Variants in TNS3 observed in about 807,000 individuals in gnomAD.
TNS3 encodes tensin 3.
TNS3 carries 45 observed loss-of-function variants against 140.9 expected under a neutral mutation model. The ratio of observed to expected loss-of-function variants is 0.32; its 90% CI spans 0.25 to 0.41. The LOEUF (loss-of-function observed/expected upper bound fraction) is 0.41. TNS3 is among the 10% of genes least tolerant of loss of function. The probability of loss-of-function intolerance (pLI) is 1.00; values close to 1 mark genes in which losing one functional copy is unlikely to be tolerated. For synonymous variants in TNS3, 815 were observed against 788.4 expected, an observed-to-expected ratio of 1.03 and a Z score of -0.56; for missense variants, 1,716 against 1,906.7, an observed-to-expected ratio of 0.90 and a Z score of 1.86.
rs190062513 is a variant in TNS3, at chr7:47,464,852, G to A, written c.-76+16251C>T. The stretch of plus-strand genomic sequence containing the variant: ...AAGGAACACTGCAACATAACTTCCA[G>A]CCACTACTTAAATGGCACCAATGAT... On this transcript the variant is annotated intron_variant, in intron 4 of 30. Transcript: ENST00000311160. Among the ~76,000 whole-genome samples the A allele has an allele frequency of 7.2e-5, 11 of 152,262 alleles. No homozygotes were observed. The East Asian group carries it at 1.9e-3, about 27-fold the overall frequency.
intron 1 of TNS3, among the ~76,000 whole-genome samples, chr7:47,533,740 T>C (rs1456532920): frequency 6.6e-6 from 1 of 152,096 alleles, no homozygotes; most frequent in Non-Finnish European, 1.5e-5. Context: ...TGTGCTGTTC[T>C]CATGATAATG....
Position 47,275,507 on chromosome 7 carries a change from C to G in TNS3, c.*2569G>C. On this transcript the variant is annotated 3_prime_UTR_variant, in exon 31 of 31. Transcript: ENST00000311160. ...GCAGTACGTGCCTGTCCAGCGGGAGCCCTGGAGACAAAATGCCTGGAAACG... is the reference window on the plus strand; with the variant it reads ...GCAGTACGTGCCTGTCCAGCGGGAGGCCTGGAGACAAAATGCCTGGAAACG... The G allele has an allele frequency of 3.2e-6, 1 of 309,914 alleles. No homozygotes were observed. Among genetic ancestry groups the G allele is most frequent in the Non-Finnish European group, 6.3e-6 (1 of 158,032 alleles). 19.2% of individuals were successfully genotyped at this position (309,914 alleles called of 1,614,324 possible). A position where few individuals can be genotyped will look rare whatever the true frequency, so the allele number is the denominator to read the frequency against.
At chr7:47,375,150 TC>T (rs1273792418) in intron 16 of TNS3, among the ~76,000 whole-genome samples, 1 of 152,218 alleles carries the variant, frequency 6.6e-6, no homozygotes, top group East Asian at 1.9e-4. Context: ...CAGAACCTAA[TC>T]TTAGAGTGGG....
chr7:47,316,256 C>T (rs1011248477), intron 20 of TNS3, among the ~76,000 whole-genome samples: 2 of 152,092 alleles, frequency 1.3e-5, no homozygotes, highest in South Asian at 2.1e-4. Flanking sequence ...TCAAATCTCT[C>T]GTATCCTTCT....
intron 23 of TNS3, among the ~76,000 whole-genome samples, chr7:47,299,443 C>CT (rs1160055740): frequency 6.6e-5 from 10 of 152,190 alleles, no homozygotes; most frequent in African/African-American, 2.4e-4. Flanking sequence ...GCCGGGCCTA[C>CT]TTTTTTGTTT....
chr7:47,389,380 C>T (rs555223072), intron 16 of TNS3, among the ~76,000 whole-genome samples: 8 of 152,270 alleles, frequency 5.3e-5, no homozygotes, highest in Non-Finnish European at 1.0e-4. Context: ...CCTGAGGACC[C>T]AGGACAAATC....
At chr7:47,522,796 C>T (rs560108834) in intron 2 of TNS3, among the ~76,000 whole-genome samples, 88 of 151,942 alleles carry the variant, frequency 5.8e-4, no homozygotes, top group African/African-American at 2.0e-3. Context: ...GGTGTGGTGG[C>T]GGGCGCCTGT....
chr7:47,378,559 G>A (rs984251469), intron 16 of TNS3, among the ~76,000 whole-genome samples: 4 of 152,060 alleles, frequency 2.6e-5, no homozygotes, highest in South Asian at 2.1e-4. Context: ...TTGTTTCCTC[G>A]GTGACTGACA....
intron 1 of TNS3, among the ~76,000 whole-genome samples, chr7:47,574,252 T>A (rs1800621307): frequency 6.6e-6 from 1 of 152,238 alleles, no homozygotes; most frequent in Non-Finnish European, 1.5e-5. Flanking sequence ...CTTTTTTTTT[T>A]AAATGAAAGA....
chr7:47,386,093 A>G (rs905668070), intron 16 of TNS3, among the ~76,000 whole-genome samples: 2 of 152,252 alleles, frequency 1.3e-5, no homozygotes, highest in Non-Finnish European at 2.9e-5. Flanking sequence ...TCAACTTTCC[A>G]TAGTGAAGTC....
intron 3 of TNS3, among the ~76,000 whole-genome samples, chr7:47,488,945 G>C (rs563875450): frequency 2.0e-5 from 3 of 152,346 alleles, no homozygotes; most frequent in African/African-American, 7.2e-5. Flanking sequence ...AACAACAGCA[G>C]ATCTATACAA....
chr7:47,428,918 G>T (rs564977360), intron 8 of TNS3, among the ~76,000 whole-genome samples: 21 of 152,222 alleles, frequency 1.4e-4, no homozygotes, highest in African/African-American at 4.8e-4. Context: ...TCTGGAAAAG[G>T]ACTCACTCAA....
chr7:47,437,929 A>G (rs929155857), intron 6 of TNS3, among the ~76,000 whole-genome samples: 4 of 151,300 alleles, frequency 2.6e-5, no homozygotes, highest in Admixed American at 2.0e-4. Context: ...TGGTGGCCCC[A>G]GGCCTGGAAA....
intron 1 of TNS3, among the ~76,000 whole-genome samples, chr7:47,571,520 C>G (rs1176152128): frequency 6.6e-6 from 1 of 152,238 alleles, no homozygotes; most frequent in Non-Finnish European, 1.5e-5. Context: ...CCAGAGCTGA[C>G]AAGAGGCGAA....
At chr7:47,417,569 G>A (rs1794149499) in intron 10 of TNS3, among the ~76,000 whole-genome samples, 1 of 152,214 alleles carries the variant, frequency 6.6e-6, no homozygotes, top group African/African-American at 2.4e-5. Flanking sequence ...AGTCTACAAA[G>A]GGCTGCTCAG....
intron 1 of TNS3, among the ~76,000 whole-genome samples, chr7:47,551,750 T>C (rs55941374): frequency 0.076 from 11,598 of 152,286 alleles, 1,460 homozygotes; most frequent in African/African-American, 0.26. Flanking sequence ...AGGTTCACAC[T>C]GTGCACATGT....
At chr7:47,405,810 G>A (rs576894961) in intron 13 of TNS3, among the ~76,000 whole-genome samples, 1 of 152,232 alleles carries the variant, frequency 6.6e-6, no homozygotes, top group East Asian at 1.9e-4. Context: ...ACCAGCAACA[G>A]CACTATTTGT....
chr7:47,379,805 C>T (rs774227513), intron 16 of TNS3, among the ~76,000 whole-genome samples: 52 of 152,294 alleles, frequency 3.4e-4, no homozygotes, highest in Non-Finnish European at 6.2e-4. Context: ...GAGGCTGCAG[C>T]GGCAGCACCA....
intron 4 of TNS3, among the ~76,000 whole-genome samples, chr7:47,457,438 G>A (rs951701876): frequency 2.0e-5 from 3 of 151,952 alleles, no homozygotes; most frequent in South Asian, 2.1e-4. Flanking sequence ...TTCCACACAC[G>A]TCATGGATAG....
Sources: allele counts gnomAD v4.1 joint callset (sites outside exome capture counted in the v4.1 genomes callset), GRCh38; gene constraint gnomAD v4.1.1; transcripts MANE v1.5; gene names NCBI Gene and HGNC (gene_info 2026-07-23, HGNC 2026-07-21).